RBM34: variants seen among roughly 807,000 people sequenced by gnomAD.
The protein encoded by RBM34 is RNA-binding protein 34.
A neutral mutation model predicts 44.6 loss-of-function variants in RBM34; 39 were observed. That is an observed-to-expected ratio of 0.87 (90% CI 0.68 to 1.14). The LOEUF is 1.14. RBM34 is among the 50% of genes most tolerant of loss of function. The pLI is 0.00. For synonymous variants in RBM34, 194 were observed against 184.0 expected (o/e 1.05, Z -0.44); for missense variants, 572 against 517.9 (o/e 1.10, Z -1.01).
chr1:235,148,756 G>A (rs1038921794), intron 5 of RBM34, among the ~76,000 whole-genome samples: 35 of 151,714 alleles, frequency 2.3e-4, no homozygotes, highest in African/African-American at 3.9e-4. Context: ...CCGCCACCAC[G>A]CCCGGCTAAT....
At chr1:235,150,841 G>A (rs1428293682) in intron 5 of RBM34, among the ~76,000 whole-genome samples, 1 of 152,128 alleles carries the variant, frequency 6.6e-6, no homozygotes, top group East Asian at 1.9e-4. Flanking sequence ...GCATAGCAGG[G>A]ACACACTGGT....
At chr1:235,149,363 T>C (rs1057077873) in intron 5 of RBM34, among the ~76,000 whole-genome samples, 4 of 127,074 alleles carry the variant, frequency 3.1e-5, no homozygotes, top group African/African-American at 6.3e-5. Flanking sequence ...CACTCCAGCC[T>C]GGGCGACAGA....
intron 3 of RBM34, among the ~76,000 whole-genome samples, chr1:235,158,050 T>G (rs1239872231): frequency 3.6e-5 from 5 of 138,284 alleles, no homozygotes; most frequent in African/African-American, 1.3e-4. Flanking sequence ...TTACATGGGT[T>G]TTTTTTTTTG....
At chr1:235,156,645 G>A in intron 3 of RBM34, 3 of 464,534 alleles carry the variant, frequency 6.5e-6, no homozygotes, top group Non-Finnish European at 1.3e-5. Flanking sequence ...TGCTGGATAT[G>A]GATAAGCAAG....
intron 5 of RBM34, among the ~76,000 whole-genome samples, chr1:235,152,289 C>T (rs536691792): frequency 6.6e-6 from 1 of 152,156 alleles, no homozygotes. Context: ...GACATAAATT[C>T]TTTATCTGTC....
chr1:235,157,853 G>A (rs1662515866), intron 3 of RBM34, among the ~76,000 whole-genome samples: 1 of 152,156 alleles, frequency 6.6e-6, no homozygotes, highest in South Asian at 2.1e-4. Context: ...AGGTCAGGGT[G>A]GCCTCAGTGG....
At chr1:235,147,301 G>A (rs1466288904) in intron 6 of RBM34, among the ~76,000 whole-genome samples, 3 of 152,136 alleles carry the variant, frequency 2.0e-5, no homozygotes, top group East Asian at 1.9e-4. Flanking sequence ...CTGACGGTAT[G>A]GTGTGAAAAT....
chr1:235,155,870 T>C (rs1342113557), intron 3 of RBM34, among the ~76,000 whole-genome samples: 8 of 36,588 alleles, frequency 2.2e-4, no homozygotes, highest in African/African-American at 8.5e-4. Flanking sequence ...TATATATACA[T>C]ATATACTTTT....
At chr1:235,143,759 GTACAA>G (rs1360958852) in intron 6 of RBM34, among the ~76,000 whole-genome samples, 2 of 152,064 alleles carry the variant, frequency 1.3e-5, no homozygotes, top group African/African-American at 4.8e-5. Context: ...GTACAATACA[GTACAA>G]TACATCACAA....
intron 6 of RBM34, among the ~76,000 whole-genome samples, chr1:235,143,409 A>G (rs1318597661): frequency 2.0e-5 from 3 of 152,268 alleles, no homozygotes; most frequent in African/African-American, 7.2e-5. Flanking sequence ...TATGTATAAT[A>G]GCCAAAGGCT....
Position 235,138,110 on chromosome 1 carries a change from C to T in RBM34, c.766G>A (p.Ala256Thr). The T allele has an allele frequency of 6.2e-7, 1 of 1,609,806 alleles. No homozygotes were observed. The highest frequency in any genetic ancestry group is 2.2e-5 in the East Asian group (1 of 44,844). ...AYVVFKEESA[A>T]TQALKRNGAQ... ...AATTACCTTTTCAATGCTTGCGTGGCAGCACTCTCCTCCTTAAACACAACA... is the reference window on the plus strand; with the variant it reads ...AATTACCTTTTCAATGCTTGCGTGGTAGCACTCTCCTCCTTAAACACAACA... Residue 256 changes from alanine to threonine, a missense_variant, in exon 7 of 11, where the codon GCC becomes ACC. Ala to Thr is a moderately conservative substitution (Grantham distance 58, BLOSUM62 0). Transcript: ENST00000408888.
At chr1:235,135,846 G>T in intron 9 of RBM34, 76 bp from the exon 10 acceptor site, 1 of 1,341,936 alleles carries the variant, frequency 7.5e-7, no homozygotes, top group Non-Finnish European at 1.1e-6. Flanking sequence ...TAATAATACA[G>T]CTAGTTAAGC....
At chr1:235,132,415 T>C (rs1274114598) in intron 10 of RBM34, among the ~76,000 whole-genome samples, 2 of 152,212 alleles carry the variant, frequency 1.3e-5, no homozygotes, top group Non-Finnish European at 2.9e-5. Context: ...TTCAAGCGAT[T>C]CTCTTGCCTC....
At chr1:235,158,052 T>C (rs1662525516) in intron 3 of RBM34, among the ~76,000 whole-genome samples, 1 of 148,310 alleles carries the variant, frequency 6.7e-6, no homozygotes, top group African/African-American at 2.5e-5. Context: ...ACATGGGTTT[T>C]TTTTTTTGGC....
chr1:235,143,551 C>T (rs1661775661), intron 6 of RBM34, among the ~76,000 whole-genome samples: 1 of 152,186 alleles, frequency 6.6e-6, no homozygotes, highest in African/African-American at 2.4e-5. Flanking sequence ...GCCTGGCCAA[C>T]ATGGCAAAGC....
intron 5 of RBM34, among the ~76,000 whole-genome samples, chr1:235,148,827 T>C (rs953326347): frequency 6.6e-6 from 1 of 151,936 alleles, no homozygotes; most frequent in Non-Finnish European, 1.5e-5. Context: ...CTCGATCTCC[T>C]GACCTCGTGA....
chr1:235,154,822 TCAACA>T, intron 4 of RBM34, 54 bp downstream of exon 4: 1 of 1,344,502 alleles, frequency 7.4e-7, no homozygotes, highest in Non-Finnish European at 1.1e-6. Context: ...GAATGCTTAT[TCAACA>T]CAGGAAGAAC....
chr1:235,156,268 T>C (rs773748614), intron 3 of RBM34, among the ~76,000 whole-genome samples: 5 of 152,060 alleles, frequency 3.3e-5, no homozygotes, highest in Non-Finnish European at 7.4e-5. Context: ...CCTCCCAAAG[T>C]GCTAGGGTTA....
chr1:235,149,135 TC>T (rs1662042591), intron 5 of RBM34, among the ~76,000 whole-genome samples: 1 of 151,224 alleles, frequency 6.6e-6, no homozygotes, highest in Admixed American at 6.6e-5. Context: ...ACACCTGTAA[TC>T]CCAGCACTTT....
Sources: allele counts gnomAD v4.1 joint callset (sites outside exome capture counted in the v4.1 genomes callset), GRCh38; gene constraint gnomAD v4.1.1; transcripts MANE v1.5; gene names NCBI Gene and HGNC (gene_info 2026-07-23, HGNC 2026-07-21).